TBC1D5: variants seen among roughly 807,000 people sequenced by gnomAD.
TBC1D5 encodes the protein TBC1 domain family, member 5.
In TBC1D5, 75 loss-of-function variants were observed where a neutral mutation model predicts 100.3. The ratio of observed to expected loss-of-function variants is 0.75; its 90% CI spans 0.62 to 0.91. TBC1D5 has a LOEUF of 0.91. Ranked by LOEUF, TBC1D5 falls within the 40% of genes least tolerant of loss-of-function variation. The probability of loss-of-function intolerance (pLI) is 0.00; values close to 1 mark genes in which losing one functional copy is unlikely to be tolerated. For missense variants in TBC1D5, 910 were observed against 942.4 expected (o/e 0.97, Z 0.45); for synonymous variants, 323 against 325.6 (o/e 0.99, Z 0.09).
At chr3:17,279,244 T>C (rs746068050) in intron 15 of TBC1D5, among the ~76,000 whole-genome samples, 10 of 152,218 alleles carry the variant, frequency 6.6e-5, no homozygotes, top group Admixed American at 1.3e-4. Context: ...GAATCCACAA[T>C]AGTTGTTCAT....
At chr3:17,648,159 A>C (rs539823616) in intron 1 of TBC1D5, among the ~76,000 whole-genome samples, 7 of 152,118 alleles carry the variant, frequency 4.6e-5, no homozygotes, top group Non-Finnish European at 1.0e-4. Context: ...CAGAATAGAG[A>C]GCCAAGAAAT....
chr3:17,576,219 A>C lies in TBC1D5; in HGVS notation c.-36+47630T>G, dbSNP rs77762232. 8.2e-3 allele frequency among the ~76,000 whole-genome samples: 1,243 copies of C among 152,184 alleles called. 10 individuals carry two copies. The highest frequency in any genetic ancestry group is 0.014 in the Non-Finnish European group (970 of 67,984). On this transcript the variant is annotated intron_variant, in intron 2 of 21. Transcript: ENST00000253692. ...GCTTTTAAATTGATCTCTACAAGAA[A>C]TACACCTCAATCTTAAAAAAATGAT...
chr3:17,228,511 T>A (rs1311090618), intron 17 of TBC1D5, among the ~76,000 whole-genome samples: 2 of 152,104 alleles, frequency 1.3e-5, no homozygotes, highest in African/African-American at 2.4e-5. Flanking sequence ...AAACCCCTCC[T>A]GGTAGGACAC....
chr3:17,587,123 A>G (rs573235933), intron 2 of TBC1D5, among the ~76,000 whole-genome samples: 1 of 152,124 alleles, frequency 6.6e-6, no homozygotes, highest in South Asian at 2.1e-4. Flanking sequence ...CCTTTTTCTA[A>G]AGAAAAATTT....
chr3:17,173,836 C>T (rs994894025), intron 19 of TBC1D5, among the ~76,000 whole-genome samples: 1 of 152,074 alleles, frequency 6.6e-6, no homozygotes, highest in African/African-American at 2.4e-5. Context: ...GGAGGCAGGC[C>T]CAGTGTGACA....
At chr3:17,540,968 T>C (rs2096349218) in intron 2 of TBC1D5, among the ~76,000 whole-genome samples, 1 of 137,746 alleles carries the variant, frequency 7.3e-6, no homozygotes, top group African/African-American at 2.8e-5. Context: ...CAGTTGACCA[T>C]ATACATGAGG....
intron 13 of TBC1D5, chr3:17,337,737 G>A (rs961752389): frequency 1.3e-5 from 2 of 152,064 alleles, no homozygotes; most frequent in African/African-American, 4.8e-5. Flanking sequence ...ATAATCCAAA[G>A]CTCATGTGAG....
intron 16 of TBC1D5, among the ~76,000 whole-genome samples, chr3:17,252,105 T>C (rs1002877541): frequency 3.3e-5 from 5 of 152,190 alleles, no homozygotes; most frequent in Non-Finnish European, 7.3e-5. Flanking sequence ...GTAAAATTCT[T>C]TCTCCTGTGA....
At chr3:17,456,284 C>A (rs1463113126) in intron 3 of TBC1D5, among the ~76,000 whole-genome samples, 2 of 151,996 alleles carry the variant, frequency 1.3e-5, no homozygotes, top group African/African-American at 4.8e-5. Flanking sequence ...GCAATCAAAC[C>A]AAAAATTGAC....
chr3:17,194,576 T>C (rs901728208), intron 18 of TBC1D5, among the ~76,000 whole-genome samples: 1 of 152,252 alleles, frequency 6.6e-6, no homozygotes, highest in African/African-American at 2.4e-5. Context: ...TGACAAAGGC[T>C]GTGTATTAAG....
chr3:17,386,613 T>C (rs1392839611), intron 8 of TBC1D5, among the ~76,000 whole-genome samples: 4 of 152,122 alleles, frequency 2.6e-5, no homozygotes, highest in Non-Finnish European at 5.9e-5. Flanking sequence ...CATGTTCAAA[T>C]AAGGCAAACA....
At chr3:17,415,028 G>C (rs925485633) in intron 4 of TBC1D5, among the ~76,000 whole-genome samples, 8 of 152,096 alleles carry the variant, frequency 5.3e-5, no homozygotes, top group African/African-American at 1.9e-4. Flanking sequence ...GTCATGTTTT[G>C]ATTCAGGTTT....
intron 16 of TBC1D5, among the ~76,000 whole-genome samples, chr3:17,251,924 AC>A (rs1245591380): frequency 6.6e-6 from 1 of 152,344 alleles, no homozygotes; most frequent in Admixed American, 6.5e-5. Flanking sequence ...GATCCATCTA[AC>A]TTATTTAAGA....
intron 3 of TBC1D5, among the ~76,000 whole-genome samples, chr3:17,494,174 T>C (rs60158152): frequency 0.08 from 12,167 of 152,146 alleles, 1,009 homozygotes; most frequent in African/African-American, 0.22. Flanking sequence ...GTGGCTGCTG[T>C]GGTTTGCTTG....
intron 9 of TBC1D5, among the ~76,000 whole-genome samples, chr3:17,380,039 C>CTGTGTA (rs748314992): frequency 1.1e-4 from 11 of 100,018 alleles, no homozygotes; most frequent in Admixed American, 2.4e-4. Flanking sequence ...ACAGCTGTGA[C>CTGTGTA]TGTGTATGTG....
At chr3:17,494,425 G>A (rs1234824691) in intron 3 of TBC1D5, among the ~76,000 whole-genome samples, 1 of 152,220 alleles carries the variant, frequency 6.6e-6, no homozygotes, top group African/African-American at 2.4e-5. Flanking sequence ...GCAACAGTCT[G>A]GCTGCCCCTT....
chr3:17,630,008 T>C (rs1255917893), intron 1 of TBC1D5, among the ~76,000 whole-genome samples: 1 of 152,214 alleles, frequency 6.6e-6, no homozygotes, highest in Non-Finnish European at 1.5e-5. Context: ...AGAGGAACTG[T>C]ACCAAGAAAA....
chr3:17,340,003 A>C (rs1452967175), intron 13 of TBC1D5, among the ~76,000 whole-genome samples: 1 of 152,164 alleles, frequency 6.6e-6, no homozygotes, highest in Admixed American at 6.5e-5. Context: ...TATAAGATAA[A>C]GCTTTGATAT....
chr3:17,737,480 T>C (rs2077046983), intron 1 of TBC1D5, among the ~76,000 whole-genome samples: 1 of 152,224 alleles, frequency 6.6e-6, no homozygotes, highest in African/African-American at 2.4e-5. Context: ...CAGATAATTA[T>C]TTTTCATCAT....
Sources: allele counts gnomAD v4.1 joint callset (sites outside exome capture counted in the v4.1 genomes callset), GRCh38; gene constraint gnomAD v4.1.1; transcripts MANE v1.5; gene names NCBI Gene and HGNC (gene_info 2026-07-23, HGNC 2026-07-21).